Variants in MKLN1 observed in about 807,000 individuals in gnomAD.
The protein encoded by MKLN1 is muskelin.
A neutral mutation model predicts 99.0 loss-of-function variants in MKLN1; 18 were observed. The observed-to-expected ratio is 0.18, with a 90% CI of 0.13 to 0.27. MKLN1 has a LOEUF of 0.27. Among genes scored for constraint, MKLN1 ranks in the 10% least tolerant of loss-of-function variants. The pLI is 1.00. For synonymous variants in MKLN1, 288 were observed against 293.2 expected (o/e 0.98, Z 0.18); for missense variants, 621 against 875.9 (o/e 0.71, Z 3.67).
At chr7:131,483,146 A>T (rs1298905391) in intron 17 of MKLN1, among the ~76,000 whole-genome samples, 1 of 152,250 alleles carries the variant, frequency 6.6e-6, no homozygotes, top group Non-Finnish European at 1.5e-5. Context: ...TAGGAGCATG[A>T]GGTTTAGAAT....
intron 3 of MKLN1, among the ~76,000 whole-genome samples, chr7:131,207,089 C>T (rs1324250884): frequency 6.6e-6 from 1 of 152,136 alleles, no homozygotes; most frequent in Non-Finnish European, 1.5e-5. Flanking sequence ...GAGGCATTTA[C>T]TCCCATTTTT....
chr7:131,417,754 G>T (rs1795063091), intron 8 of MKLN1, among the ~76,000 whole-genome samples: 3 of 152,168 alleles, frequency 2.0e-5, no homozygotes, highest in Admixed American at 2.0e-4. Context: ...AGGGATAGAA[G>T]TGATGATTCG....
chr7:131,212,690 G>A (rs10808251), intron 3 of MKLN1, among the ~76,000 whole-genome samples: 30,272 of 152,076 alleles, frequency 0.2, 3,570 homozygotes, highest in Non-Finnish European at 0.27. Context: ...TTGGGAGGCC[G>A]AGGAGGGTGG....
chr7:131,168,569 C>G (rs950919247), intron 2 of MKLN1, among the ~76,000 whole-genome samples: 1 of 152,126 alleles, frequency 6.6e-6, no homozygotes, highest in Non-Finnish European at 1.5e-5. Context: ...GTAGCGCTTA[C>G]CACCACCTGA....
At chr7:131,485,325 A>G (rs1797242133) in intron 17 of MKLN1, among the ~76,000 whole-genome samples, 1 of 152,080 alleles carries the variant, frequency 6.6e-6, no homozygotes, top group Non-Finnish European at 1.5e-5. Flanking sequence ...GTAAAATGGG[A>G]GGAGGGGAAG....
At chr7:131,121,416 TTTC>T (rs1795366871) in intron 1 of MKLN1, among the ~76,000 whole-genome samples, 1 of 151,926 alleles carries the variant, frequency 6.6e-6, no homozygotes, top group Non-Finnish European at 1.5e-5. Context: ...CTAAATTCCT[TTTC>T]TTTAAAAATT....
At chr7:131,163,441 A>T (rs1796083057) in intron 2 of MKLN1, among the ~76,000 whole-genome samples, 1 of 152,226 alleles carries the variant, frequency 6.6e-6, no homozygotes, top group African/African-American at 2.4e-5. Flanking sequence ...CATTAGATTC[A>T]CAGGTCAGCC....
chr7:131,356,910 A>G (rs1799901837), intron 1 of MKLN1, among the ~76,000 whole-genome samples: 1 of 152,150 alleles, frequency 6.6e-6, no homozygotes, highest in African/African-American at 2.4e-5. Context: ...AGACTGAGGC[A>G]GGTTTCAGAG....
At chr7:131,423,645 A>G (rs925869156) in intron 8 of MKLN1, among the ~76,000 whole-genome samples, 1 of 152,060 alleles carries the variant, frequency 6.6e-6, no homozygotes, top group Non-Finnish European at 1.5e-5. Context: ...AAGTGCTTTT[A>G]TTTTTTTACA....
intron 1 of MKLN1, among the ~76,000 whole-genome samples, chr7:131,129,618 G>C (rs1466696610): frequency 6.6e-6 from 1 of 152,200 alleles, no homozygotes; most frequent in Non-Finnish European, 1.5e-5. Context: ...CTGTCACCCA[G>C]GCTGGAGTGC....
Position 131,429,859 on chromosome 7 carries a change from C to T in MKLN1, c.960+714C>T, listed in dbSNP as rs553307841. On this transcript the variant is annotated intron_variant, in intron 9 of 17. Coordinates refer to ENST00000352689, the MANE Select transcript of MKLN1 (RefSeq NM_013255.5). ...CCTCCCAAAGTACTGGGATTATAGG[C>T]GTGAGCCACTGCGCCTGGCTGATAC... 5.9e-5 allele frequency among the ~76,000 whole-genome samples: 9 copies of T among 152,246 alleles called. No individual in the cohort carries two copies. The South Asian group carries it at 1.0e-3, about 18-fold the overall frequency.
chr7:131,435,633 G>A (rs193221791), intron 9 of MKLN1, among the ~76,000 whole-genome samples: 7 of 152,040 alleles, frequency 4.6e-5, no homozygotes, highest in East Asian at 1.9e-4. Context: ...GGTAAGTTAG[G>A]TTTTTTAACA....
intron 1 of MKLN1, among the ~76,000 whole-genome samples, chr7:131,127,831 G>A (rs1461525268): frequency 2.0e-5 from 3 of 152,234 alleles, no homozygotes; most frequent in Non-Finnish European, 4.4e-5. Flanking sequence ...TTTAGATCAG[G>A]ATGTGGGTTT....
chr7:131,195,584 T>C (rs1399439303), intron 2 of MKLN1, among the ~76,000 whole-genome samples: 1 of 152,206 alleles, frequency 6.6e-6, no homozygotes, highest in African/African-American at 2.4e-5. Flanking sequence ...TTTGCCTTTT[T>C]TTCCTCCTCA....
chr7:131,389,099 G>C (rs760682021), intron 4 of MKLN1, 127 bp downstream of exon 4: 1 of 577,750 alleles, frequency 1.7e-6, no homozygotes, highest in East Asian at 3.0e-5. Context: ...ATATTGCTGC[G>C]CTGGTTTGTT....
intron 3 of MKLN1, among the ~76,000 whole-genome samples, chr7:131,270,410 A>G (rs1047414903): frequency 3.3e-5 from 5 of 152,174 alleles, no homozygotes; most frequent in Admixed American, 3.3e-4. Flanking sequence ...TAGTAGAGAC[A>G]GGGTTTCACC....
intron 1 of MKLN1, among the ~76,000 whole-genome samples, chr7:131,137,659 C>G (rs1025884059): frequency 6.6e-6 from 1 of 152,150 alleles, no homozygotes; most frequent in Non-Finnish European, 1.5e-5. Context: ...ACTGCAACCT[C>G]CACCTCCTGG....
intron 1 of MKLN1, among the ~76,000 whole-genome samples, chr7:131,351,877 T>G (rs1799730174): frequency 6.6e-6 from 1 of 152,202 alleles, no homozygotes; most frequent in African/African-American, 2.4e-5. Flanking sequence ...ATTGTTAGAA[T>G]AAACTATTTC....
chr7:131,361,674 C>G (rs1279205318), intron 1 of MKLN1, among the ~76,000 whole-genome samples: 1 of 148,054 alleles, frequency 6.8e-6, no homozygotes, highest in Non-Finnish European at 1.5e-5. Context: ...AGAACTTTTT[C>G]TAACTTTCTT....
Sources: gnomAD v4.1 joint callset for allele counts (sites outside exome capture counted in the v4.1 genomes callset) on GRCh38, gnomAD v4.1.1 for gene constraint, MANE v1.5 for transcripts, NCBI Gene and HGNC (gene_info 2026-07-23, HGNC 2026-07-21) for gene names.